The following ADAMTS16 variants were observed in gnomAD, a reference collection of about 807,000 sequenced individuals.
The protein encoded by ADAMTS16 is ADAM metallopeptidase with thrombospondin type 1 motif 16.
In ADAMTS16, 94 loss-of-function variants were observed where a neutral mutation model predicts 145.8. The ratio of observed to expected loss-of-function variants is 0.64; its 90% CI spans 0.55 to 0.77. The LOEUF is 0.77. Ranked by LOEUF, ADAMTS16 falls within the 30% of genes least tolerant of loss-of-function variation. The pLI, the probability that ADAMTS16 is intolerant of heterozygous loss-of-function variation, is 0.00. For synonymous variants in ADAMTS16, 659 were observed against 604.3 expected (o/e 1.09, Z -1.33); for missense variants, 1,585 against 1,591.5 (o/e 1.00, Z 0.07).
chr5:5,274,890 T>C (rs768098803), intron 18 of ADAMTS16, among the ~76,000 whole-genome samples: 2 of 152,124 alleles, frequency 1.3e-5, no homozygotes, highest in Admixed American at 6.5e-5. Context: ...TGGGACTCAG[T>C]GTGGTTGGCT....
intron 3 of ADAMTS16, among the ~76,000 whole-genome samples, chr5:5,162,399 G>T (rs753696777): frequency 6.6e-6 from 1 of 152,156 alleles, no homozygotes; most frequent in East Asian, 1.9e-4. Context: ...CCACAGCATG[G>T]CTATGGGATC....
chr5:5,172,845 T>C (rs1158500516), intron 3 of ADAMTS16, among the ~76,000 whole-genome samples: 1 of 152,202 alleles, frequency 6.6e-6, no homozygotes, highest in African/African-American at 2.4e-5. Flanking sequence ...TATTTTTTCA[T>C]TGGGATCTAT....
At position 5,242,129 on chromosome 5, in the gene ADAMTS16, C is replaced by T; in HGVS notation, c.2600C>T (p.Pro867Leu). 1 of 1,614,208 alleles carries T rather than the reference C, an allele frequency of 6.2e-7. No individual in the cohort carries two copies. The highest frequency in any genetic ancestry group is 1.7e-5 in the Admixed American group (1 of 60,030). The change falls in exon 17 of 23, where the codon CCT becomes CTT. Residue 867 changes from proline to leucine, a missense_variant. Pro to Leu is a moderately conservative substitution (Grantham distance 98, BLOSUM62 -3). Around this residue, in one of 3 missense-constraint regions of ADAMTS16, gnomAD observed 834 missense variants for 811.7 expected, o/e 1.03. Transcript: ENST00000274181. ...CGCTTGGGGACCGAGAAGCAGCCCC[C>T]TGCCCAGCCCAGCTACACTTGGGCC... ...MPRLGTEKQP[P>L]AQPSYTWAIV... is the part of the protein sequence containing the mutation.
intron 10 of ADAMTS16, among the ~76,000 whole-genome samples, chr5:5,213,087 A>G (rs931679056): frequency 3.3e-5 from 5 of 152,238 alleles, no homozygotes; most frequent in Admixed American, 6.5e-5. Flanking sequence ...TCTTCCTTGC[A>G]CTATCATTGA....
intron 3 of ADAMTS16, among the ~76,000 whole-genome samples, chr5:5,156,536 G>C (rs748139036): frequency 6.6e-6 from 1 of 152,162 alleles, no homozygotes; most frequent in Non-Finnish European, 1.5e-5. Flanking sequence ...CTTGTGACAG[G>C]CTTATTCTTG....
At chr5:5,179,491 G>A (rs768710913) in intron 3 of ADAMTS16, among the ~76,000 whole-genome samples, 1 of 152,210 alleles carries the variant, frequency 6.6e-6, no homozygotes, top group Non-Finnish European at 1.5e-5. Context: ...GTTATACAAG[G>A]TTGAACACAT....
At chr5:5,316,259 T>G (rs1734052661) in intron 21 of ADAMTS16, among the ~76,000 whole-genome samples, 1 of 152,230 alleles carries the variant, frequency 6.6e-6, no homozygotes. Context: ...GAGTCATGCA[T>G]GTCCCCAGTT....
intron 18 of ADAMTS16, among the ~76,000 whole-genome samples, chr5:5,293,750 T>C (rs190216082): frequency 2.2e-4 from 33 of 152,328 alleles, no homozygotes; most frequent in Non-Finnish European, 4.1e-4. Flanking sequence ...AATTGAGCGT[T>C]TGGTAAAAAA....
chr5:5,252,835 A>C (rs1406344725), intron 17 of ADAMTS16, among the ~76,000 whole-genome samples: 1 of 152,022 alleles, frequency 6.6e-6, no homozygotes, highest in African/African-American at 2.4e-5. Context: ...GCTTGCTCCC[A>C]CCACCTTCTC....
At chr5:5,186,301 GGTGTGTGTGTGTGTGT>G in intron 5 of ADAMTS16, 50 bp downstream of exon 5, 1 of 986,974 alleles carries the variant, frequency 1.0e-6, no homozygotes. Context: ...CACTTCGTAG[GGTGTGTGTGTGTGTGT>G]GTGTGTGTGT....
chr5:5,165,545 T>C (rs942077827), intron 3 of ADAMTS16, among the ~76,000 whole-genome samples: 3 of 152,218 alleles, frequency 2.0e-5, no homozygotes, highest in African/African-American at 7.2e-5. Flanking sequence ...CTATTAATAT[T>C]GTGTAACTTT....
At chr5:5,181,820 C>A (rs1220552782) in intron 3 of ADAMTS16, among the ~76,000 whole-genome samples, 1 of 152,148 alleles carries the variant, frequency 6.6e-6, no homozygotes, top group Admixed American at 6.5e-5. Flanking sequence ...TCCACGCCAG[C>A]CTTTCTCCAG....
chr5:5,168,392 T>C (rs1734942087), intron 3 of ADAMTS16, among the ~76,000 whole-genome samples: 1 of 123,304 alleles, frequency 8.1e-6, no homozygotes, highest in Non-Finnish European at 1.7e-5. Flanking sequence ...TATTTTACAA[T>C]TCCTTTCTGG....
intron 18 of ADAMTS16, among the ~76,000 whole-genome samples, chr5:5,296,263 G>A (rs1350702495): frequency 1.3e-5 from 2 of 152,158 alleles, no homozygotes; most frequent in South Asian, 2.1e-4. Context: ...TCAAAATCAG[G>A]AGGGCTGTGC....
At chr5:5,192,821 T>C (rs934106629) in intron 8 of ADAMTS16, among the ~76,000 whole-genome samples, 6 of 152,224 alleles carry the variant, frequency 3.9e-5, no homozygotes, top group Non-Finnish European at 8.8e-5. Flanking sequence ...CTGCTTTACC[T>C]TGAAGTATCG....
At chr5:5,227,100 C>T (rs768309177) in intron 11 of ADAMTS16, among the ~76,000 whole-genome samples, 35 of 152,250 alleles carry the variant, frequency 2.3e-4, no homozygotes, top group Non-Finnish European at 4.4e-4. Context: ...TTTCTATCAT[C>T]GCTAATTTCA....
chr5:5,277,955 C>T (rs1186231016), intron 18 of ADAMTS16, among the ~76,000 whole-genome samples: 2 of 151,570 alleles, frequency 1.3e-5, no homozygotes, highest in Non-Finnish European at 2.9e-5. Flanking sequence ...GTCCTCCAGC[C>T]TAAGTAACAG....
chr5:5,227,608 C>T (rs1736808428), intron 11 of ADAMTS16, among the ~76,000 whole-genome samples: 1 of 151,872 alleles, frequency 6.6e-6, no homozygotes, highest in Admixed American at 6.6e-5. Flanking sequence ...GCTTTCTCAT[C>T]AGATTCTCAA....
chr5:5,193,702 A>G (rs1354425833), intron 8 of ADAMTS16, among the ~76,000 whole-genome samples: 3 of 152,220 alleles, frequency 2.0e-5, no homozygotes, highest in Non-Finnish European at 4.4e-5. Context: ...TTAGAAGTCA[A>G]TTATTACTAT....
Sources: allele counts gnomAD v4.1 joint callset (sites outside exome capture counted in the v4.1 genomes callset), GRCh38; gene constraint gnomAD v4.1.1; regional missense constraint gnomAD v4.1.1; transcripts MANE v1.5; gene names NCBI Gene and HGNC (gene_info 2026-07-23, HGNC 2026-07-21).